The following HMGCLL1 variants were observed in gnomAD, a reference collection of about 807,000 sequenced individuals.
HMGCLL1 encodes the protein 3-hydroxy-3-methylglutaryl-CoA lyase like 1.
In HMGCLL1, 36 loss-of-function variants were observed where a neutral mutation model predicts 39.1. The observed-to-expected ratio is 0.92, with a 90% CI of 0.71 to 1.22. The LOEUF (loss-of-function observed/expected upper bound fraction) is 1.22. Ranked by LOEUF, HMGCLL1 falls within the 50% of genes most tolerant of loss-of-function variation. The pLI is 0.00. For missense variants in HMGCLL1, 451 were observed against 416.5 expected (o/e 1.08, Z -0.72); for synonymous variants, 149 against 144.0 (o/e 1.03, Z -0.25).
At chr6:55,542,432 T>C (rs1014022235) in intron 1 of HMGCLL1, among the ~76,000 whole-genome samples, 3 of 152,090 alleles carry the variant, frequency 2.0e-5, no homozygotes, top group African/African-American at 7.2e-5. Context: ...AGATCAAATC[T>C]GTTGGGTGAT....
chr6:55,674,451 G>A, the HMGCLL1 span, among the ~76,000 whole-genome samples: 10 of 151,512 alleles, frequency 6.6e-5, no homozygotes, highest in South Asian at 2.1e-4. Flanking sequence ...TAGGTCATTG[G>A]TAATGAGAAC....
chr6:55,585,529 A>T, the HMGCLL1 span, among the ~76,000 whole-genome samples: 1 of 152,138 alleles, frequency 6.6e-6, no homozygotes, highest in South Asian at 2.1e-4. Flanking sequence ...AAACTGTATT[A>T]TCTCTTATCC....
intron 1 of HMGCLL1, among the ~76,000 whole-genome samples, chr6:55,555,483 A>G (rs1770604480): frequency 6.6e-6 from 1 of 152,170 alleles, no homozygotes; most frequent in African/African-American, 2.4e-5. Flanking sequence ...TCTTCTCTTC[A>G]ACTAAGAGCC....
intron 7 of HMGCLL1, among the ~76,000 whole-genome samples, chr6:55,469,151 A>G (rs1764919471): frequency 3.2e-5 from 1 of 31,582 alleles, no homozygotes; most frequent in South Asian, 9.3e-4. Flanking sequence ...AGAACTGGAA[A>G]AAAAAAAAAG....
intron 7 of HMGCLL1, among the ~76,000 whole-genome samples, chr6:55,470,566 A>G (rs2127402974): frequency 6.6e-6 from 1 of 151,966 alleles, no homozygotes; most frequent in Non-Finnish European, 1.5e-5. Context: ...GCTACCATTA[A>G]TATAACAATT....
chr6:55,569,435 A>C (rs4410726), intron 1 of HMGCLL1, among the ~76,000 whole-genome samples: 65,902 of 152,006 alleles, frequency 0.43, 14,418 homozygotes, highest in East Asian at 0.55. Flanking sequence ...TTAATAAACA[A>C]TTTAGGTGAC....
At chr6:55,555,259 C>T (rs1344592613) in intron 1 of HMGCLL1, among the ~76,000 whole-genome samples, 2 of 152,102 alleles carry the variant, frequency 1.3e-5, no homozygotes, top group Admixed American at 6.6e-5. Context: ...CTGTTCTTCC[C>T]CTATATATAT....
the HMGCLL1 span, among the ~76,000 whole-genome samples, chr6:55,624,041 G>A: frequency 1.1e-4 from 17 of 152,234 alleles, no homozygotes; most frequent in East Asian, 2.5e-3. Context: ...TCAGTTCAGA[G>A]CCAGTGTCCA....
At chr6:55,481,972 G>C (rs1765772348) in intron 7 of HMGCLL1, among the ~76,000 whole-genome samples, 1 of 151,890 alleles carries the variant, frequency 6.6e-6, no homozygotes, top group Admixed American at 6.6e-5. Flanking sequence ...CTTTCTTACT[G>C]TTTCTTCCAT....
chr6:55,555,515 T>C (rs1581944095), intron 1 of HMGCLL1, among the ~76,000 whole-genome samples: 1 of 152,224 alleles, frequency 6.6e-6, no homozygotes. Flanking sequence ...CTTCATTTTG[T>C]TGGGTTCACT....
At chr6:55,532,309 A>G (rs1277412668) in intron 3 of HMGCLL1, among the ~76,000 whole-genome samples, 1 of 152,170 alleles carries the variant, frequency 6.6e-6, no homozygotes, top group East Asian at 1.9e-4. Flanking sequence ...CTGCTTGAAA[A>G]TATGAGCATA....
At chr6:55,457,139 A>G (rs1764359782) in intron 7 of HMGCLL1, among the ~76,000 whole-genome samples, 1 of 152,154 alleles carries the variant, frequency 6.6e-6, no homozygotes, top group Non-Finnish European at 1.5e-5. Flanking sequence ...AAATGTAATC[A>G]TCCTTTCCAA....
chr6:55,571,072 C>T (rs1321196253), intron 1 of HMGCLL1, among the ~76,000 whole-genome samples: 3 of 152,212 alleles, frequency 2.0e-5, no homozygotes, highest in Admixed American at 2.0e-4. Context: ...GTCCCTCCCA[C>T]AACGTGTGGA....
At chr6:55,664,435 G>A in the HMGCLL1 span, among the ~76,000 whole-genome samples, 494 of 151,780 alleles carry the variant, frequency 3.3e-3, 1 homozygote, top group Non-Finnish European at 6.4e-3. Flanking sequence ...AGCTTAGTTT[G>A]ACTGGCTACG....
chr6:55,516,470 A>G, intron 4 of HMGCLL1, 38 bp downstream of exon 4: 2 of 1,257,158 alleles, frequency 1.6e-6, no homozygotes. Context: ...AAACGATAAG[A>G]GGCCTATCAA....
the HMGCLL1 span, among the ~76,000 whole-genome samples, chr6:55,588,742 GA>G: frequency 6.6e-6 from 1 of 152,064 alleles, no homozygotes; most frequent in Admixed American, 6.6e-5. Context: ...TGATCCCACA[GA>G]GATACAAACT....
chr6:55,541,658 C>T (rs1769440491), intron 3 of HMGCLL1, 71 bp downstream of exon 3: 1 of 736,216 alleles, frequency 1.4e-6, no homozygotes, highest in Non-Finnish European at 2.3e-6. Flanking sequence ...AAGTTAATAT[C>T]ACAGTATTTA....
chr6:55,587,750 A>T, the HMGCLL1 span, among the ~76,000 whole-genome samples: 1 of 152,154 alleles, frequency 6.6e-6, no homozygotes, highest in Non-Finnish European at 1.5e-5. Flanking sequence ...CAGGGGTTGC[A>T]ATCCTAGTCT....
chr6:55,522,364 A>G (rs1169556162), intron 3 of HMGCLL1, among the ~76,000 whole-genome samples: 1 of 152,024 alleles, frequency 6.6e-6, no homozygotes, highest in East Asian at 1.9e-4. Context: ...AAAGGTAAAA[A>G]TACCTATCAC....
Sources: allele counts gnomAD v4.1 joint callset (sites outside exome capture counted in the v4.1 genomes callset), GRCh38; gene constraint gnomAD v4.1.1; transcripts MANE v1.5; gene names NCBI Gene and HGNC (gene_info 2026-07-23, HGNC 2026-07-21).